Variants in SYT9 observed in about 807,000 individuals in gnomAD.
The protein encoded by SYT9 is synaptotagmin 9, also known as synaptotagmin-9.
A neutral mutation model predicts 48.4 loss-of-function variants in SYT9; 22 were observed. The ratio of observed to expected loss-of-function variants is 0.45; its 90% CI spans 0.32 to 0.65. The LOEUF (loss-of-function observed/expected upper bound fraction) is 0.65. SYT9 is among the 30% of genes least tolerant of loss of function. The probability of loss-of-function intolerance (pLI) is 0.03; values close to 1 mark genes in which losing one functional copy is unlikely to be tolerated. For missense variants in SYT9, 577 were observed against 622.0 expected (o/e 0.93, Z 0.77); for synonymous variants, 265 against 245.0 (o/e 1.08, Z -0.76).
chr11:7,367,072 C>CTTTTTTTTTTTTTTTT (rs35502843), intron 3 of SYT9, among the ~76,000 whole-genome samples: 5 of 53,262 alleles, frequency 9.4e-5, no homozygotes, highest in African/African-American at 1.3e-4. Flanking sequence ...AGGAGACCAT[C>CTTTTTTTTTTTTTTTT]TTTTTTTTTT....
intron 1 of SYT9, among the ~76,000 whole-genome samples, chr11:7,264,429 A>G (rs780331095): frequency 6.6e-6 from 1 of 152,104 alleles, no homozygotes; most frequent in Non-Finnish European, 1.5e-5. Flanking sequence ...GGTTGTGTGT[A>G]TGAGAACAAG....
At chr11:7,366,213 T>C (rs1374788658) in intron 3 of SYT9, among the ~76,000 whole-genome samples, 3 of 152,190 alleles carry the variant, frequency 2.0e-5, no homozygotes, top group Non-Finnish European at 4.4e-5. Context: ...TTTTGGGCCT[T>C]CTTCTGCAAA....
intron 6 of SYT9, among the ~76,000 whole-genome samples, chr11:7,451,848 A>C (rs1848058831): frequency 6.6e-6 from 1 of 152,166 alleles, no homozygotes; most frequent in African/African-American, 2.4e-5. Flanking sequence ...AGTCCTGATG[A>C]CACTGTCTGA....
chr11:7,303,207 A>G lies in SYT9; in HGVS notation c.314A>G (p.Glu105Gly). 1 of 1,614,178 alleles carries G rather than the reference A, an allele frequency of 6.2e-7. No individual in the cohort carries two copies. The highest frequency in any genetic ancestry group is 8.5e-7 in the Non-Finnish European group (1 of 1,180,030). ...NQEPLNYMDT[E>G]TNEQENSEDF... ...GAGCCCCTTAACTACATGGACACAG[A>G]GACCAATGAGCAGGAGAACAGTGAG... The change falls in exon 2 of 7, where the codon GAG becomes GGG. Residue 105 changes from glutamate to glycine, a missense_variant. By Grantham distance (98) the Glu-to-Gly change is moderately conservative (BLOSUM62 -2). Coordinates refer to ENST00000318881, the MANE Select transcript of SYT9 (RefSeq NM_175733.4).
chr11:7,430,333 T>C (rs1479381948), intron 6 of SYT9, among the ~76,000 whole-genome samples: 1 of 152,180 alleles, frequency 6.6e-6, no homozygotes, highest in Non-Finnish European at 1.5e-5. Context: ...TTACCATTCA[T>C]TGAGAAATTA....
rs1491172704 is a variant in SYT9 at position 7,273,328 on chromosome 11, TTC to T, written c.145+20999_145+21000del. On this transcript the variant is annotated intron_variant, in intron 1 of 6. Coordinates refer to ENST00000318881, the MANE Select transcript of SYT9 (RefSeq NM_175733.4). ...TTCATTATTCTATACTGAGGTTTTT[TTC>T]TTTTGTTAGTGTTTTTGTTTTTTGT... 5.5e-3 allele frequency among the ~76,000 whole-genome samples: 465 copies of T among 84,624 alleles called. 1 individual carries two copies. The highest frequency in any genetic ancestry group is 0.044 in the Middle Eastern group (7 of 160). The allele number at this position is 84,624 out of a possible 152,430, so 55.5% of individuals were successfully genotyped here. A position where few individuals can be genotyped will look rare whatever the true frequency, so the allele number is the denominator to read the frequency against.
intron 6 of SYT9, among the ~76,000 whole-genome samples, chr11:7,463,776 G>T (rs1003654407): frequency 6.6e-6 from 1 of 152,162 alleles, no homozygotes; most frequent in Admixed American, 6.5e-5. Context: ...CAAGTGAAGG[G>T]CTGCACCTTA....
intron 6 of SYT9, chr11:7,440,463 T>A (rs1456255746): frequency 6.6e-6 from 1 of 152,204 alleles, no homozygotes; most frequent in Non-Finnish European, 1.5e-5. Context: ...AGAAGTTTCA[T>A]GGAGACCCAA....
chr11:7,266,111 A>G (rs1266209135), intron 1 of SYT9, among the ~76,000 whole-genome samples: 1 of 152,074 alleles, frequency 6.6e-6, no homozygotes, highest in Non-Finnish European at 1.5e-5. Flanking sequence ...TTTAGATAAT[A>G]TGGATGTCAA....
chr11:7,338,583 T>G (rs781508454), intron 3 of SYT9, among the ~76,000 whole-genome samples: 1 of 152,214 alleles, frequency 6.6e-6, no homozygotes, highest in Admixed American at 6.5e-5. Context: ...ACTTCTTGAT[T>G]TCTGCCTTAA....
chr11:7,454,537 A>G (rs1848113363), intron 6 of SYT9, among the ~76,000 whole-genome samples: 1 of 152,242 alleles, frequency 6.6e-6, no homozygotes, highest in Non-Finnish European at 1.5e-5. Context: ...ACGAGTGAAG[A>G]CAATGCGAGT....
intron 6 of SYT9, among the ~76,000 whole-genome samples, chr11:7,430,127 C>A (rs1847541538): frequency 6.6e-6 from 1 of 152,088 alleles, no homozygotes; most frequent in South Asian, 2.1e-4. Context: ...TTTAGCAATT[C>A]TAGTATTATT....
intron 1 of SYT9, among the ~76,000 whole-genome samples, chr11:7,258,500 C>A (rs896359907): frequency 1.3e-5 from 2 of 151,952 alleles, no homozygotes; most frequent in African/African-American, 4.8e-5. Flanking sequence ...CTTCATATGG[C>A]CTTGCACATG....
At chr11:7,246,659 G>A (rs190521239) in intron 1 of SYT9, among the ~76,000 whole-genome samples, 22 of 152,246 alleles carry the variant, frequency 1.4e-4, no homozygotes, top group African/African-American at 4.8e-5. Context: ...GATGTCTACT[G>A]CTGCATTAAA....
chr11:7,399,148 A>G (rs879239221), intron 3 of SYT9, among the ~76,000 whole-genome samples: 1 of 152,220 alleles, frequency 6.6e-6, no homozygotes. Flanking sequence ...TTGCACAGAA[A>G]TTCAAGTTAT....
chr11:7,465,580 A>C (rs1245597080), intron 6 of SYT9, among the ~76,000 whole-genome samples: 1 of 152,254 alleles, frequency 6.6e-6, no homozygotes, highest in Non-Finnish European at 1.5e-5. Flanking sequence ...AGATACTGCT[A>C]GTCTAAGTCT....
intron 1 of SYT9, among the ~76,000 whole-genome samples, chr11:7,290,508 G>A (rs935463851): frequency 1.3e-5 from 2 of 152,132 alleles, no homozygotes; most frequent in South Asian, 2.1e-4. Flanking sequence ...ATGAAACACT[G>A]TATCATTTTC....
intron 1 of SYT9, among the ~76,000 whole-genome samples, chr11:7,246,812 A>G (rs1564834603): frequency 6.6e-6 from 1 of 152,206 alleles, no homozygotes; most frequent in Non-Finnish European, 1.5e-5. Context: ...GGAAGGTCCA[A>G]GTTCGAGAGG....
At chr11:7,406,851 G>A (rs796611803) in intron 3 of SYT9, among the ~76,000 whole-genome samples, 5 of 151,088 alleles carry the variant, frequency 3.3e-5, no homozygotes, top group African/African-American at 1.2e-4. Context: ...ATTGTTGCTA[G>A]CATGTTATTT....
Sources: allele counts gnomAD v4.1 joint callset (sites outside exome capture counted in the v4.1 genomes callset), GRCh38; gene constraint gnomAD v4.1.1; transcripts MANE v1.5; gene names NCBI Gene and HGNC (gene_info 2026-07-23, HGNC 2026-07-21).